The following TOX2 variants were observed in gnomAD, a reference collection of about 807,000 sequenced individuals.
The protein encoded by TOX2 is granulosa cell HMG box 1.
Under a neutral mutation model 47.4 loss-of-function variants are expected in TOX2, and 15 were observed. The observed-to-expected ratio is 0.32, with a 90% CI of 0.21 to 0.49. TOX2 has a LOEUF of 0.49. TOX2 is among the 20% of genes least tolerant of loss of function. TOX2 has a pLI of 0.99. For synonymous variants in TOX2, 290 were observed against 296.6 expected, an observed-to-expected ratio of 0.98 and a Z score of 0.23; for missense variants, 622 against 673.1, an observed-to-expected ratio of 0.92 and a Z score of 0.84.
Position 44,039,371 on chromosome 20 carries a change from C to T in TOX2, c.412-11935C>T, listed in dbSNP as rs536173390. On this transcript the variant is annotated intron_variant, in intron 3 of 8. Coordinates refer to ENST00000341197, the MANE Select transcript of TOX2 (RefSeq NM_001098797.2). ...GATCCTCATGGAGCATTTTACATGG[C>T]TAGGCCATTGCTAAGTGGGCCCCTG... 4.1e-6 allele frequency: 5 copies of T among 1,220,968 alleles called. No individual in the cohort carries two copies. In the South Asian group the frequency reaches 6.9e-5, roughly 17 times the overall value. The allele number at this position is 1,220,968 out of a possible 1,614,324, so 75.6% of individuals were successfully genotyped here.
At chr20:44,062,753 A>G (rs2071742995) in intron 5 of TOX2, among the ~76,000 whole-genome samples, 1 of 152,162 alleles carries the variant, frequency 6.6e-6, no homozygotes, top group African/African-American at 2.4e-5. Context: ...CTATATGGCC[A>G]TAGTCACCAA....
intron 1 of TOX2, among the ~76,000 whole-genome samples, chr20:43,959,484 C>T (rs1258315049): frequency 6.6e-6 from 1 of 152,182 alleles, no homozygotes; most frequent in Non-Finnish European, 1.5e-5. Context: ...TTCAGATGAC[C>T]TAGAAAAACC....
rs1382730399 is a variant in TOX2 at position 44,026,238 on chromosome 20, TATATATATATAGACAC to T, written c.411+19448_411+19463del. ...GGATAAAGAAACTGTGATATATATA[TATATATATATAGACAC>T]ACACACACACAATGGAATACTACTC... On this transcript the variant is annotated intron_variant, in intron 3 of 8. Transcript: ENST00000341197. Among the ~76,000 whole-genome samples, 12 of 100,454 alleles carry T rather than the reference TATATATATATAGACAC, an allele frequency of 1.2e-4. 3 individuals are homozygous for T. Among genetic ancestry groups the T allele is most frequent in the Non-Finnish European group, 1.8e-4 (9 of 49,760 alleles). 65.9% of individuals were successfully genotyped at this position (100,454 alleles called of 152,430 possible). A position where few individuals can be genotyped will look rare whatever the true frequency, so the allele number is the denominator to read the frequency against.
Position 44,051,530 on chromosome 20 carries a change from G to A in TOX2, c.636G>A (p.Ser212=), listed in dbSNP as rs145183281. The A allele has an allele frequency of 1.1e-4, 170 of 1,597,778 alleles. No homozygotes were observed. Among genetic ancestry groups the A allele is most frequent in the African/African-American group, 2.8e-4 (21 of 74,776 alleles). The part of the protein sequence containing the change: ...SPSSSTQEEE[S]EVHFKISGEK... ...CCAGCTCCACTCAGGAAGAGGAGTC[G>A]GAAGTGCATTTCAAGGTATGTGCGG... is the stretch of plus-strand genomic sequence containing the variant. The change falls in exon 4 of 9, where the codon TCG becomes TCA. Residue 212 remains serine, a synonymous_variant. Coordinates refer to ENST00000341197, the MANE Select transcript of TOX2 (RefSeq NM_001098797.2).
In TOX2 at chr20:43,916,037, C is replaced by A; in HGVS notation, c.99+1047C>A. The A allele has an allele frequency of 1.2e-6, 1 of 860,338 alleles. No individual in the cohort carries two copies. Among genetic ancestry groups the A allele is most frequent in the Non-Finnish European group, 1.4e-6 (1 of 715,784 alleles). 53.3% of individuals were successfully genotyped at this position (860,338 alleles called of 1,614,324 possible). A position where few individuals can be genotyped will look rare whatever the true frequency, so the allele number is the denominator to read the frequency against. The stretch of plus-strand genomic sequence containing the variant: ...TCCCCTTCGGTCGCCGGAGAGGGAA[C>A]TTTCAAACTTAGTTAGGAAGCCAGA... On this transcript the variant is annotated intron_variant, in intron 1 of 8. Transcript: ENST00000341197. The surrounding 1 kb of genome is among the most constrained non-coding windows in gnomAD (Gnocchi z 5.0).
intron 1 of TOX2, among the ~76,000 whole-genome samples, chr20:43,921,855 T>C (rs1260489284): frequency 1.3e-5 from 2 of 152,204 alleles, no homozygotes; most frequent in African/African-American, 2.4e-5. Context: ...CGCTGGATGC[T>C]TCCATGTCTT....
At chr20:43,957,512 C>T (rs371224611) in intron 1 of TOX2, among the ~76,000 whole-genome samples, 9 of 151,106 alleles carry the variant, frequency 6.0e-5, no homozygotes, top group Admixed American at 3.3e-4. Context: ...CAAGATTGAG[C>T]AGAAGATCAT....
chr20:44,053,477 T>C (rs1398947962), intron 4 of TOX2, among the ~76,000 whole-genome samples: 3 of 140,404 alleles, frequency 2.1e-5, no homozygotes, highest in African/African-American at 8.2e-5. Context: ...CACACATATA[T>C]ATATACACAC....
chr20:43,925,911 C>G (rs745945732), intron 1 of TOX2, among the ~76,000 whole-genome samples: 7 of 152,166 alleles, frequency 4.6e-5, no homozygotes, highest in African/African-American at 1.7e-4. Context: ...GAATTTGGCC[C>G]GAGCTTGCTC....
intron 1 of TOX2, among the ~76,000 whole-genome samples, chr20:43,967,474 G>T (rs116652059): frequency 6.6e-6 from 1 of 151,996 alleles, no homozygotes; most frequent in African/African-American, 2.4e-5. Context: ...TTACCCACCC[G>T]GGAACCCACA....
In TOX2 at chr20:44,068,978, T is replaced by G; in HGVS notation, c.*292T>G. 1.8e-6 allele frequency: 1 copy of G among 543,874 alleles called. No homozygotes were observed. The highest frequency in any genetic ancestry group is 2.9e-4 in the Middle Eastern group (1 of 3,496). The allele number at this position is 543,874 out of a possible 1,614,324, so 33.7% of individuals were successfully genotyped here. A position where few individuals can be genotyped will look rare whatever the true frequency, so the allele number is the denominator to read the frequency against. On this transcript the variant is annotated 3_prime_UTR_variant, in exon 9 of 9. Transcript: ENST00000341197. ...CGCCCTGCGCACGGTACCCTATGTC[T>G]GGACACCCGGCCCCAGCTCCAGCCC...
chr20:44,006,487 G>A, intron 2 of TOX2, 60 bp from the exon 3 acceptor site: 1 of 1,548,654 alleles, frequency 6.5e-7, no homozygotes. Flanking sequence ...TGGTGCTGTT[G>A]GGTATGTTCT....
chr20:44,039,337 G>A (rs2071295564), intron 3 of TOX2: 3 of 1,280,308 alleles, frequency 2.3e-6, no homozygotes, highest in Admixed American at 2.3e-5. Flanking sequence ...GGAGGAGAGA[G>A]ATTGTACAGA....
At chr20:43,927,053 C>T (rs1057276556) in intron 1 of TOX2, among the ~76,000 whole-genome samples, 5 of 152,200 alleles carry the variant, frequency 3.3e-5, no homozygotes, top group African/African-American at 9.6e-5. Context: ...GTAACAATTC[C>T]GTAGGCTTAG....
intron 3 of TOX2, among the ~76,000 whole-genome samples, chr20:44,023,046 CAT>C (rs1414366772): frequency 6.6e-6 from 1 of 150,766 alleles, no homozygotes; most frequent in Non-Finnish European, 1.5e-5. Context: ...AGCTTCAGAC[CAT>C]GATATAGGTC....
At chr20:43,980,369 G>T (rs1600704320) in intron 2 of TOX2, among the ~76,000 whole-genome samples, 1 of 152,194 alleles carries the variant, frequency 6.6e-6, no homozygotes, top group East Asian at 1.9e-4. Context: ...GTTACCAGAG[G>T]CTGGGAAGGG....
At chr20:43,951,498 A>G (rs912848942) in intron 1 of TOX2, among the ~76,000 whole-genome samples, 3 of 151,894 alleles carry the variant, frequency 2.0e-5, no homozygotes, top group Non-Finnish European at 4.4e-5. Flanking sequence ...AATCACTCGA[A>G]CCCAGGAGGC....
At chr20:43,949,685 G>A (rs988412999) in intron 1 of TOX2, among the ~76,000 whole-genome samples, 1 of 152,160 alleles carries the variant, frequency 6.6e-6, no homozygotes, top group Admixed American at 6.5e-5. Flanking sequence ...TTGGACTCCT[G>A]TTTATTCTCG....
At chr20:43,948,942 A>T (rs1402868064) in intron 1 of TOX2, among the ~76,000 whole-genome samples, 1 of 151,814 alleles carries the variant, frequency 6.6e-6, no homozygotes, top group Non-Finnish European at 1.5e-5. Flanking sequence ...AGCTCACTTA[A>T]CCTCCCTGGG....
Sources: gnomAD v4.1 joint callset for allele counts (sites outside exome capture counted in the v4.1 genomes callset) on GRCh38, gnomAD v4.1.1 for gene constraint, Gnocchi (gnomAD v3.1) non-coding constraint, MANE v1.5 for transcripts, NCBI Gene and HGNC (gene_info 2026-07-23, HGNC 2026-07-21) for gene names.